Variants in SKI observed in about 807,000 individuals in gnomAD.
The protein encoded by SKI is ski oncogene.
In SKI, 23 loss-of-function variants were observed where a neutral mutation model predicts 59.3. The ratio of observed to expected loss-of-function variants is 0.39; its 90% confidence interval spans 0.28 to 0.55. The LOEUF (loss-of-function observed/expected upper bound fraction) is 0.55, where lower values mean the gene tolerates loss of function less well. Among genes scored for constraint, SKI ranks in the 20% least tolerant of loss-of-function variants. The pLI is 0.67. For synonymous variants in SKI, 673 were observed against 488.6 expected, an observed-to-expected ratio of 1.38 and a Z score of -4.98; for missense variants, 1,017 against 1,038.9, an observed-to-expected ratio of 0.98 and a Z score of 0.29.
At chr1:2,271,955 C>T (rs1159647155) in intron 1 of SKI, among the ~76,000 whole-genome samples, 1 of 152,174 alleles carries the variant, frequency 6.6e-6, no homozygotes, top group Non-Finnish European at 1.5e-5. Context: ...GAGAGACACT[C>T]CGGGCCACTG....
chr1:2,310,077 A>G lies in SKI; in HGVS notation c.*3312A>G, dbSNP rs1226457455. The G allele has an allele frequency of 6.6e-6, 1 of 151,402 alleles. No homozygotes were observed. The highest frequency in any genetic ancestry group is 1.5e-5 in the Non-Finnish European group (1 of 67,928). 9.4% of individuals were successfully genotyped at this position (151,402 alleles called of 1,614,324 possible). A position where few individuals can be genotyped will look rare whatever the true frequency, so the allele number is the denominator to read the frequency against. On this transcript the variant is annotated 3_prime_UTR_variant, in exon 7 of 7. Coordinates refer to ENST00000378536, the MANE Select transcript of SKI (RefSeq NM_003036.4). ...CTCGGAAACTATTTTTATGTAATTA[A>G]TGTATGCTTTCTTGTTTATAAATGC...
At chr1:2,239,637 G>C (rs908158683) in intron 1 of SKI, among the ~76,000 whole-genome samples, 3 of 152,258 alleles carry the variant, frequency 2.0e-5, no homozygotes, top group Non-Finnish European at 4.4e-5. Context: ...TCCTGGTGGC[G>C]GGCTCCCTGG....
intron 1 of SKI, among the ~76,000 whole-genome samples, chr1:2,293,976 T>G (rs943523156): frequency 1.3e-5 from 2 of 152,234 alleles, no homozygotes; most frequent in Non-Finnish European, 1.5e-5. Context: ...GGGCTTTTCA[T>G]TCTCCTTTCA....
chr1:2,271,928 A>G (rs554297195), intron 1 of SKI, among the ~76,000 whole-genome samples: 1 of 152,216 alleles, frequency 6.6e-6, no homozygotes, highest in East Asian at 1.9e-4. Context: ...TGGCCCGTGG[A>G]TGGCTGGCGG....
At chr1:2,287,399 C>T (rs1032353572) in intron 1 of SKI, among the ~76,000 whole-genome samples, 21 of 149,078 alleles carry the variant, frequency 1.4e-4, no homozygotes, top group Non-Finnish European at 2.1e-4. Flanking sequence ...GGCAGTGGCG[C>T]GATCTCGGCT....
Position 2,306,791 on chromosome 1 carries a change from G to T in SKI, c.*26G>T. 1 of 1,468,150 alleles carries T rather than the reference G, an allele frequency of 6.8e-7. No individual in the cohort carries two copies. The highest frequency in any genetic ancestry group is 1.3e-5 in the South Asian group (1 of 77,782). The allele number at this position is 1,468,150 out of a possible 1,614,324, so 90.9% of individuals were successfully genotyped here. ...ATTCCGTGCCTGCCGCCGCAGCGCC[G>T]CCGACAACGCGGGTGCAGGGGGGCG... On this transcript the variant is annotated 3_prime_UTR_variant, in exon 7 of 7. Transcript: ENST00000378536.
At chr1:2,306,524 G>T in intron 6 of SKI, 53 bp from the exon 7 acceptor site, 1 of 1,512,166 alleles carries the variant, frequency 6.6e-7, no homozygotes, top group South Asian at 1.2e-5. Context: ...AAGCAGCGTC[G>T]GGCCGGGGCA....
chr1:2,230,803 G>A (rs1638619043), intron 1 of SKI, among the ~76,000 whole-genome samples: 2 of 152,206 alleles, frequency 1.3e-5, no homozygotes, highest in African/African-American at 2.4e-5. Context: ...AATTAATTCA[G>A]CTATTGCATC....
At chr1:2,251,539 A>AGGTCGTGTGG (rs1639147944) in intron 1 of SKI, among the ~76,000 whole-genome samples, 1 of 152,122 alleles carries the variant, frequency 6.6e-6, no homozygotes, top group South Asian at 2.1e-4. Context: ...CCTGGTCCCC[A>AGGTCGTGTGG]GGTCGTGTGG....
rs1334320796 is a variant in SKI, at chr1:2,268,427, G to A, written c.970-34551G>A. ...AGGCTCTGCGTGGCGCTGATGGAGGGCCTCTTGTTAAGGGGGCACGGTAGT... is the reference window on the plus strand; with the variant it reads ...AGGCTCTGCGTGGCGCTGATGGAGGACCTCTTGTTAAGGGGGCACGGTAGT... On this transcript the variant is annotated intron_variant, in intron 1 of 6. Coordinates refer to ENST00000378536, the MANE Select transcript of SKI (RefSeq NM_003036.4). The surrounding 1 kb of genome is among the most constrained non-coding windows in gnomAD (Gnocchi z 5.0). Among the ~76,000 whole-genome samples, 1 of 152,176 alleles carries A rather than the reference G, an allele frequency of 6.6e-6. No homozygotes were observed. The highest frequency in any genetic ancestry group is 2.4e-5 in the African/African-American group (1 of 41,438).
At chr1:2,247,104 A>G (rs1483605873) in intron 1 of SKI, among the ~76,000 whole-genome samples, 1 of 152,222 alleles carries the variant, frequency 6.6e-6, no homozygotes, top group East Asian at 1.9e-4. Context: ...ACCTGGTCCC[A>G]GCTACTTGGG....
chr1:2,242,402 CTCTGTCGCTG>C (rs1358252592), intron 1 of SKI, among the ~76,000 whole-genome samples: 7 of 152,214 alleles, frequency 4.6e-5, no homozygotes, highest in Admixed American at 6.5e-5. Context: ...TGTACCACAT[CTCTGTCGCTG>C]GAAACGTGGG....
chr1:2,306,190 G>A lies in SKI; in HGVS notation c.1938G>A (p.Gln646=), dbSNP rs757701064. 2.5e-6 allele frequency: 4 copies of A among 1,584,690 alleles called. No homozygotes were observed. Among genetic ancestry groups the A allele is most frequent in the East Asian group, 4.6e-5 (2 of 43,468 alleles). Residue 646 remains glutamine (Q), a synonymous_variant, in exon 6 of 7, where the codon CAG becomes CAA. Coordinates refer to ENST00000378536, the MANE Select transcript of SKI (RefSeq NM_003036.4). The part of the protein sequence containing the change: ...RLKRELEQAR[Q]ARVCDKGCEA... ...AGCGGGAGCTGGAGCAGGCGCGGCA[G>A]GCCCGGGTGTGCGACAAGGGCTGCG... is the stretch of plus-strand genomic sequence containing the variant.
intron 1 of SKI, among the ~76,000 whole-genome samples, chr1:2,287,758 T>C (rs1307368000): frequency 6.6e-6 from 1 of 152,066 alleles, no homozygotes; most frequent in East Asian, 1.9e-4. Context: ...GTGGCAGCCG[T>C]GAGATGGATG....
chr1:2,263,404 A>G (rs1639429443), intron 1 of SKI, among the ~76,000 whole-genome samples: 1 of 149,456 alleles, frequency 6.7e-6, no homozygotes, highest in Non-Finnish European at 1.5e-5. Context: ...TGCCTGGCTA[A>G]TTTTTGTATT....
intron 1 of SKI, among the ~76,000 whole-genome samples, chr1:2,238,168 T>C (rs951198980): frequency 3.9e-5 from 6 of 152,218 alleles, no homozygotes; most frequent in Non-Finnish European, 7.4e-5. Context: ...TTAGGCCTCA[T>C]TGTCCGTGCT....
At position 2,267,340 on chromosome 1, in the gene SKI, G is replaced by A. The variant is rs1038739632; in HGVS notation, c.970-35638G>A. Among the ~76,000 whole-genome samples, 1 of 152,206 alleles carries A rather than the reference G, an allele frequency of 6.6e-6. No individual in the cohort carries two copies. Among genetic ancestry groups the A allele is most frequent in the African/African-American group, 2.4e-5 (1 of 41,450 alleles). ...GGGCTGCGGTGGAGTTCTGGGGTTT[G>A]TTTGTGGGCATTTCCAGGTAGTCTG... On this transcript the variant is annotated intron_variant, in intron 1 of 6. Coordinates refer to ENST00000378536, the MANE Select transcript of SKI (RefSeq NM_003036.4). This position sits in a 1 kb window ranked among gnomAD's most constrained non-coding sequence, Gnocchi z 4.1.
At chr1:2,276,893 C>T (rs1395703622) in intron 1 of SKI, among the ~76,000 whole-genome samples, 1 of 152,186 alleles carries the variant, frequency 6.6e-6, no homozygotes, top group East Asian at 1.9e-4. Context: ...ATTCCTGGGT[C>T]CCTTTGACCC....
At chr1:2,272,298 A>T (rs1229120445) in intron 1 of SKI, among the ~76,000 whole-genome samples, 1 of 152,268 alleles carries the variant, frequency 6.6e-6, no homozygotes, top group Non-Finnish European at 1.5e-5. Flanking sequence ...GGTGTTAAAA[A>T]TTAAGCAAAA....
Sources: gnomAD v4.1 joint callset for allele counts (sites outside exome capture counted in the v4.1 genomes callset) on GRCh38, gnomAD v4.1.1 for gene constraint, Gnocchi (gnomAD v3.1) non-coding constraint, MANE v1.5 for transcripts, NCBI Gene and HGNC (gene_info 2026-07-23, HGNC 2026-07-21) for gene names.